The following NAV2 variants were observed in gnomAD, a reference collection of about 807,000 sequenced individuals.
NAV2 encodes the protein helicase, APC down-regulated 1.
NAV2 carries 54 observed loss-of-function variants against 223.2 expected under a neutral mutation model. That is an observed-to-expected ratio of 0.24 (90% CI 0.19 to 0.30). The LOEUF (loss-of-function observed/expected upper bound fraction) is 0.30, where lower values mean the gene tolerates loss of function less well. Among genes scored for constraint, NAV2 ranks in the 10% least tolerant of loss-of-function variants. NAV2 has a pLI of 1.00. For missense variants in NAV2, 2,806 were observed against 3,147.5 expected (o/e 0.89, Z 2.60); for synonymous variants, 1,279 against 1,239.3 (o/e 1.03, Z -0.67).
At chr11:19,671,610 C>T (rs1485648012) in intron 1 of NAV2, among the ~76,000 whole-genome samples, 1 of 152,318 alleles carries the variant, frequency 6.6e-6, no homozygotes, top group East Asian at 1.9e-4. Flanking sequence ...GTTTCCTGCA[C>T]AAGACTGAGT....
chr11:19,756,436 G>T (rs796192887), intron 1 of NAV2, among the ~76,000 whole-genome samples: 36 of 152,294 alleles, frequency 2.4e-4, no homozygotes, highest in African/African-American at 8.4e-4. Context: ...GAGTCTAGAA[G>T]GTATTACCAA....
intron 6 of NAV2, among the ~76,000 whole-genome samples, chr11:19,906,560 G>A (rs2042878806): frequency 6.6e-6 from 1 of 152,174 alleles, no homozygotes; most frequent in South Asian, 2.1e-4. Context: ...ATGAAAATGA[G>A]AATGCACTGA....
intron 11 of NAV2, among the ~76,000 whole-genome samples, chr11:20,013,959 G>C (rs917023595): frequency 6.6e-6 from 1 of 152,222 alleles, no homozygotes; most frequent in African/African-American, 2.4e-5. Context: ...AGATGTAGGG[G>C]CTCAGCCCCA....
intron 1 of NAV2, among the ~76,000 whole-genome samples, chr11:19,582,467 T>TAAAAAAA (rs2045750537): frequency 6.6e-6 from 1 of 152,250 alleles, no homozygotes; most frequent in Non-Finnish European, 1.5e-5. Flanking sequence ...TGGTATTGCC[T>TAAAAAAA]AGGTTTTCTT....
intron 10 of NAV2, among the ~76,000 whole-genome samples, chr11:19,967,160 G>A (rs1002248527): frequency 2.6e-5 from 4 of 152,156 alleles, no homozygotes; most frequent in Non-Finnish European, 5.9e-5. Context: ...ACTAAAGGGT[G>A]CGGCCAGTTT....
chr11:19,721,387 G>A (rs1256350253), intron 1 of NAV2, among the ~76,000 whole-genome samples: 4 of 152,194 alleles, frequency 2.6e-5, no homozygotes, highest in Non-Finnish European at 5.9e-5. Flanking sequence ...AGGCCACAAG[G>A]CCCACTAAAC....
chr11:19,547,419 CA>C (rs2044536859), intron 1 of NAV2, among the ~76,000 whole-genome samples: 1 of 152,182 alleles, frequency 6.6e-6, no homozygotes, highest in Non-Finnish European at 1.5e-5. Flanking sequence ...TTTCTAATTG[CA>C]AACTCTGGAT....
intron 6 of NAV2, among the ~76,000 whole-genome samples, chr11:19,927,221 C>T (rs955942580): frequency 6.6e-6 from 1 of 152,194 alleles, no homozygotes; most frequent in Non-Finnish European, 1.5e-5. Flanking sequence ...GTGGGCCAAC[C>T]TTGTAAGCTG....
intron 1 of NAV2, among the ~76,000 whole-genome samples, chr11:19,621,511 C>A (rs1269030701): frequency 6.6e-6 from 1 of 152,192 alleles, no homozygotes; most frequent in East Asian, 1.9e-4. Flanking sequence ...GGAATTTATC[C>A]ATTTCTTCCA....
chr11:19,781,084 A>G (rs2056703187), intron 1 of NAV2, among the ~76,000 whole-genome samples: 1 of 152,200 alleles, frequency 6.6e-6, no homozygotes. Flanking sequence ...AATCCTCTGA[A>G]ATAAAAACTA....
At chr11:19,423,907 T>A (rs551985409) in intron 1 of NAV2, among the ~76,000 whole-genome samples, 28 of 152,268 alleles carry the variant, frequency 1.8e-4, no homozygotes, top group Non-Finnish European at 2.6e-4. Context: ...AGCTGAGGCA[T>A]GAGCTGAGAA....
chr11:19,790,460 A>T (rs1348664351), intron 1 of NAV2, among the ~76,000 whole-genome samples: 1 of 152,184 alleles, frequency 6.6e-6, no homozygotes, highest in Non-Finnish European at 1.5e-5. Flanking sequence ...ACGAGTTTTT[A>T]TTCTTAGAGA....
intron 17 of NAV2, 53 bp from the exon 18 acceptor site, chr11:20,054,027 A>G: frequency 1.3e-6 from 2 of 1,569,114 alleles, no homozygotes; most frequent in South Asian, 1.2e-5. Context: ...CACAGAGTTC[A>G]TTTTAATAAG....
rs1321740165 is a variant in NAV2, at chr11:19,788,375, G to A, written c.268-44109G>A. On this transcript the variant is annotated intron_variant, in intron 1 of 37. Transcript: ENST00000349880. ...CACTTAACCAGCTGCACAAGCCAGAGCTTGAGGCATCATCCTTGAGTCCTC... is the reference window on the plus strand; with the variant it reads ...CACTTAACCAGCTGCACAAGCCAGAACTTGAGGCATCATCCTTGAGTCCTC... Among the ~76,000 whole-genome samples, 5 of 152,338 alleles carry A rather than the reference G, an allele frequency of 3.3e-5. No individual in the cohort carries two copies. The East Asian group carries it at 9.6e-4, about 29-fold the overall frequency.
chr11:20,005,253 A>ATATTTTTTTTTT (rs1277010848), intron 11 of NAV2, among the ~76,000 whole-genome samples: 1 of 134,552 alleles, frequency 7.4e-6, no homozygotes. Context: ...ATATATATAT[A>ATATTTTTTTTTT]TTTTTTTTTT....
At chr11:19,626,661 T>A (rs1287740203) in intron 1 of NAV2, among the ~76,000 whole-genome samples, 1 of 152,102 alleles carries the variant, frequency 6.6e-6, no homozygotes, top group Non-Finnish European at 1.5e-5. Context: ...GATCCATGAG[T>A]ATGGGATGTC....
intron 4 of NAV2, among the ~76,000 whole-genome samples, chr11:19,879,450 C>A (rs1326839243): frequency 6.6e-6 from 1 of 152,072 alleles, no homozygotes; most frequent in African/African-American, 2.4e-5. Context: ...GGGACAGCAG[C>A]CACTTGGCAC....
Position 19,534,527 on chromosome 11 carries a change from G to A in NAV2, c.75+183500G>A, listed in dbSNP as rs117621532. The stretch of plus-strand genomic sequence containing the variant: ...AGAGAGAGAGAAGTGAAGGAGCACA[G>A]AGAAAGGAACAAGTGAACCTGTCTT... On this transcript the variant is annotated intron_variant, in intron 1 of 37. Transcript: ENST00000360655. 5.9e-3 allele frequency among the ~76,000 whole-genome samples: 905 copies of A among 152,360 alleles called. 3 individuals carry two copies. The highest frequency in any genetic ancestry group is 0.01 in the Non-Finnish European group (682 of 68,028).
At chr11:19,380,277 C>T (rs1848792839) in intron 1 of NAV2, among the ~76,000 whole-genome samples, 1 of 152,214 alleles carries the variant, frequency 6.6e-6, no homozygotes, top group South Asian at 2.1e-4. Context: ...GTGGGATTCT[C>T]TCCATATTGA....
Sources: gnomAD v4.1 joint callset for allele counts (sites outside exome capture counted in the v4.1 genomes callset) on GRCh38, gnomAD v4.1.1 for gene constraint, MANE v1.5 for transcripts, NCBI Gene and HGNC (gene_info 2026-07-23, HGNC 2026-07-21) for gene names.